Variants in VRK2 observed in about 807,000 individuals in gnomAD.
VRK2 encodes the protein VRK serine/threonine kinase 2, also known as serine/threonine-protein kinase VRK2.
Under a neutral mutation model 57.6 loss-of-function variants are expected in VRK2, and 60 were observed. That is an observed-to-expected ratio of 1.04 (90% CI 0.85 to 1.29). The LOEUF is 1.29. Among genes scored for constraint, VRK2 ranks in the 50% most tolerant of loss-of-function variants. VRK2 has a pLI of 0.00. For missense variants in VRK2, 705 were observed against 588.1 expected (o/e 1.20, Z -2.06); for synonymous variants, 231 against 199.2 (o/e 1.16, Z -1.35).
At chr2:58,126,988 G>A (rs1678450985) in intron 8 of VRK2, among the ~76,000 whole-genome samples, 1 of 151,960 alleles carries the variant, frequency 6.6e-6, no homozygotes, top group African/African-American at 2.4e-5. Context: ...TTAACATATT[G>A]AGCTTTTTTA....
intron 7 of VRK2, 26 bp downstream of exon 7, chr2:58,089,749 A>G: frequency 6.6e-7 from 1 of 1,504,984 alleles, no homozygotes; most frequent in Non-Finnish European, 9.2e-7. Flanking sequence ...TGCTTTTAAT[A>G]AAGGTCTTTA....
chr2:57,927,526 C>T (rs753688358), intron 1 of VRK2, among the ~76,000 whole-genome samples: 1 of 152,106 alleles, frequency 6.6e-6, no homozygotes, highest in Admixed American at 6.6e-5. Context: ...CCACCTGCCT[C>T]GGCCTCCCAA....
chr2:58,067,802 A>G (rs1305727338), intron 2 of VRK2, among the ~76,000 whole-genome samples: 6 of 152,160 alleles, frequency 3.9e-5, no homozygotes, highest in South Asian at 2.1e-4. Flanking sequence ...AATCTATTAC[A>G]TTTTCCCAGT....
At chr2:57,957,682 G>T (rs897555934) in intron 1 of VRK2, among the ~76,000 whole-genome samples, 5 of 149,334 alleles carry the variant, frequency 3.3e-5, no homozygotes, top group African/African-American at 1.2e-4. Flanking sequence ...GACCACAAAT[G>T]GAATGAACTG....
intron 12 of VRK2, among the ~76,000 whole-genome samples, chr2:58,155,987 C>A (rs1410881606): frequency 6.6e-6 from 1 of 150,544 alleles, no homozygotes; most frequent in Non-Finnish European, 1.5e-5. Flanking sequence ...ATGGCCCAGG[C>A]TGGGGTAATA....
chr2:58,110,644 C>T (rs1315721601), intron 7 of VRK2, among the ~76,000 whole-genome samples: 1 of 152,080 alleles, frequency 6.6e-6, no homozygotes, highest in Non-Finnish European at 1.5e-5. Context: ...ATTAGGAGGG[C>T]AAGGGCTTTT....
intron 1 of VRK2, among the ~76,000 whole-genome samples, chr2:57,959,844 G>C (rs1671701840): frequency 6.6e-6 from 1 of 152,110 alleles, no homozygotes; most frequent in Non-Finnish European, 1.5e-5. Context: ...AGAAAACATA[G>C]TTTTCGGTGG....
chr2:58,010,578 T>G (rs1209396455), intron 1 of VRK2, among the ~76,000 whole-genome samples: 1 of 152,160 alleles, frequency 6.6e-6, no homozygotes, highest in Non-Finnish European at 1.5e-5. Context: ...GTGACTCTTT[T>G]GGTTGGAATA....
chr2:57,966,582 T>C (rs1427050106), intron 1 of VRK2, among the ~76,000 whole-genome samples: 2 of 152,198 alleles, frequency 1.3e-5, no homozygotes, highest in Admixed American at 1.3e-4. Context: ...ATTTTAGAAG[T>C]TGCTTACTCC....
intron 2 of VRK2, among the ~76,000 whole-genome samples, chr2:58,066,428 A>G (rs1255385624): frequency 6.6e-6 from 1 of 152,100 alleles, no homozygotes; most frequent in Non-Finnish European, 1.5e-5. Context: ...TAATTTGATT[A>G]TGGTGTATTA....
In VRK2 at chr2:58,145,104, A is replaced by G. The variant is rs192383924; in HGVS notation, c.1024-1212A>G. Among the ~76,000 whole-genome samples the G allele has an allele frequency of 3.0e-3, 462 of 152,150 alleles. 3 individuals carry two copies. Among genetic ancestry groups the G allele is most frequent in the African/African-American group, 0.01 (428 of 41,542 alleles). ...GATGGCACTTTCAGCTGCTATAAAC[A>G]TGAAGCTGCTGAACAAATACTTCAT... On this transcript the variant is annotated intron_variant, in intron 11 of 12. Transcript: ENST00000340157.
At chr2:57,943,390 T>C (rs1021921210) in intron 1 of VRK2, among the ~76,000 whole-genome samples, 6 of 152,158 alleles carry the variant, frequency 3.9e-5, no homozygotes, top group Non-Finnish European at 8.8e-5. Context: ...TGGTCAGGAG[T>C]AAATTTTAGA....
chr2:58,049,564 A>G (rs1328368246), intron 2 of VRK2, among the ~76,000 whole-genome samples: 1 of 152,168 alleles, frequency 6.6e-6, no homozygotes, highest in African/African-American at 2.4e-5. Context: ...AGGCCTTTAC[A>G]TTGCATTTAA....
intron 7 of VRK2, among the ~76,000 whole-genome samples, chr2:58,115,477 C>G (rs1278254425): frequency 6.6e-6 from 1 of 152,156 alleles, no homozygotes; most frequent in Non-Finnish European, 1.5e-5. Context: ...TTTAGGGCCT[C>G]TAACAGTATT....
chr2:58,057,798 G>T (rs1676745746), intron 2 of VRK2, among the ~76,000 whole-genome samples: 1 of 152,060 alleles, frequency 6.6e-6, no homozygotes, highest in Non-Finnish European at 1.5e-5. Context: ...TATGTTTGAG[G>T]TCGGGAATTT....
chr2:57,935,490 C>A (rs1004885895), intron 1 of VRK2, among the ~76,000 whole-genome samples: 1 of 152,110 alleles, frequency 6.6e-6, no homozygotes, highest in African/African-American at 2.4e-5. Context: ...GAGATGCTTG[C>A]TTTTCCTATC....
rs562481384 is a variant in VRK2 at position 58,048,922 on chromosome 2, C to A, written c.91C>A (p.Leu31Met). Residue 31 changes from leucine (L) to methionine (M), a missense_variant, in exon 2 of 13, where the codon CTG (leucine) becomes ATG (methionine). By Grantham distance (15) the Leu-to-Met change is conservative. Transcript: ENST00000340157. ...LDDMEGNQWV[L>M]GKKIGSGGFG... The stretch of plus-strand genomic sequence containing the variant: ...TGATATGGAAGGCAATCAGTGGGTA[C>A]TGGGCAAGAAGATTGGCTCTGGAGG... The A allele has an allele frequency of 6.2e-7, 1 of 1,613,906 alleles. No homozygotes were observed. Among genetic ancestry groups the A allele is most frequent in the East Asian group, 2.2e-5 (1 of 44,834 alleles).
At chr2:58,046,529 T>G (rs1240969361), upstream of VRK2, 3 of 985,434 alleles carry the variant, frequency 3.0e-6, no homozygotes, top group Non-Finnish European at 3.6e-6. Flanking sequence ...CGTACCAAAC[T>G]GGTCTGGCGG....
intron 2 of VRK2, among the ~76,000 whole-genome samples, chr2:58,052,140 C>G (rs1266468578): frequency 6.6e-6 from 1 of 152,092 alleles, no homozygotes; most frequent in Non-Finnish European, 1.5e-5. Flanking sequence ...TGAATCCTGA[C>G]CTGATGAAGC....
Sources: gnomAD v4.1 joint callset for allele counts (sites outside exome capture counted in the v4.1 genomes callset) on GRCh38, gnomAD v4.1.1 for gene constraint, MANE v1.5 for transcripts, NCBI Gene and HGNC (gene_info 2026-07-23, HGNC 2026-07-21) for gene names.